The following SLC39A11 variants were observed in gnomAD, a reference collection of about 807,000 sequenced individuals.
SLC39A11 encodes the protein solute carrier family 39 member 11.
SLC39A11 carries 33 observed loss-of-function variants against 36.1 expected under a neutral mutation model. That is an observed-to-expected ratio of 0.91 (90% CI 0.69 to 1.22). SLC39A11 has a LOEUF of 1.22. Among genes scored for constraint, SLC39A11 ranks in the 50% most tolerant of loss-of-function variants. SLC39A11 has a pLI of 0.00. For missense variants in SLC39A11, 432 were observed against 430.3 expected, an observed-to-expected ratio of 1.00 and a Z score of -0.03; for synonymous variants, 166 against 170.3, an observed-to-expected ratio of 0.97 and a Z score of 0.20.
chr17:72,692,224 G>T (rs1051526132), intron 7 of SLC39A11, among the ~76,000 whole-genome samples: 2 of 150,990 alleles, frequency 1.3e-5, no homozygotes, highest in Non-Finnish European at 2.9e-5. Context: ...CATTAGCCAG[G>T]ATGGTCTCGA....
intron 7 of SLC39A11, among the ~76,000 whole-genome samples, chr17:72,678,285 TACA>T (rs957352246): frequency 6.6e-6 from 1 of 152,198 alleles, no homozygotes; most frequent in Non-Finnish European, 1.5e-5. Flanking sequence ...AATCACCATT[TACA>T]ACGTGTTTTT....
intron 5 of SLC39A11, among the ~76,000 whole-genome samples, chr17:72,893,333 T>TG (rs2081857163): frequency 6.6e-6 from 1 of 152,040 alleles, no homozygotes; most frequent in Admixed American, 6.6e-5. Context: ...TGGTGACACA[T>TG]GCCTATAATC....
intron 6 of SLC39A11, among the ~76,000 whole-genome samples, chr17:72,748,321 CA>C (rs10657048): frequency 1.0e-3 from 153 of 147,480 alleles, no homozygotes; most frequent in Non-Finnish European, 2.0e-3. Flanking sequence ...GACTCCATCT[CA>C]AAAAAAAAAA....
At chr17:72,706,322 T>C (rs934203349) in intron 7 of SLC39A11, among the ~76,000 whole-genome samples, 1 of 152,214 alleles carries the variant, frequency 6.6e-6, no homozygotes, top group Non-Finnish European at 1.5e-5. Flanking sequence ...AAATGGGTTG[T>C]ACACAAGTCA....
chr17:73,026,623 G>T (rs1159939903), intron 4 of SLC39A11, among the ~76,000 whole-genome samples: 1 of 151,920 alleles, frequency 6.6e-6, no homozygotes, highest in Non-Finnish European at 1.5e-5. Context: ...TTGACTGGTT[G>T]GTCTGGGGGA....
chr17:72,812,719 A>G (rs1253770951), intron 6 of SLC39A11, among the ~76,000 whole-genome samples: 3 of 152,224 alleles, frequency 2.0e-5, no homozygotes, highest in African/African-American at 7.2e-5. Context: ...TTAACATTCT[A>G]TGATATATGG....
At chr17:72,733,678 T>C (rs759007826) in intron 7 of SLC39A11, among the ~76,000 whole-genome samples, 3 of 152,194 alleles carry the variant, frequency 2.0e-5, no homozygotes, top group African/African-American at 4.8e-5. Context: ...GGGTTGCCTG[T>C]TCACTTTCTA....
chr17:72,742,158 G>A (rs889342959), intron 6 of SLC39A11, among the ~76,000 whole-genome samples: 15 of 151,692 alleles, frequency 9.9e-5, no homozygotes, highest in African/African-American at 2.7e-4. Flanking sequence ...AGCCAAGATC[G>A]CGCCACTGCA....
intron 4 of SLC39A11, among the ~76,000 whole-genome samples, chr17:73,025,008 G>A (rs577940356): frequency 2.0e-5 from 3 of 151,716 alleles, no homozygotes; most frequent in South Asian, 4.2e-4. Flanking sequence ...GAGCTACCGC[G>A]CCTGGCCAAA....
chr17:72,830,404 A>C lies in SLC39A11; in HGVS notation c.601+19230T>G, dbSNP rs144883267. Reference sequence around the variant, plus strand: ...ATGCAAAACTCAACACTGTTTGTCAACGTGGGTACTAACTCGGCTGTGTCT... The same window carrying C: ...ATGCAAAACTCAACACTGTTTGTCACCGTGGGTACTAACTCGGCTGTGTCT... On this transcript the variant is annotated intron_variant, in intron 6 of 9. Coordinates refer to ENST00000255559, the MANE Select transcript of SLC39A11 (RefSeq NM_139177.4). Among the ~76,000 whole-genome samples, 570 of 152,306 alleles carry C rather than the reference A, an allele frequency of 3.7e-3. 2 individuals are homozygous for C. The highest frequency in any genetic ancestry group is 0.01 in the Middle Eastern group (3 of 294).
At chr17:73,047,313 C>A (rs566804246) in intron 3 of SLC39A11, among the ~76,000 whole-genome samples, 1 of 152,136 alleles carries the variant, frequency 6.6e-6, no homozygotes, top group East Asian at 2.0e-4. Flanking sequence ...CGTGAGCCAC[C>A]GCGCCCGGCA....
intron 6 of SLC39A11, among the ~76,000 whole-genome samples, chr17:72,754,862 C>T (rs536858865): frequency 7.2e-5 from 11 of 152,298 alleles, no homozygotes; most frequent in South Asian, 4.1e-4. Flanking sequence ...CAAGCATGCC[C>T]GTGTGAGTGT....
chr17:73,088,100 T>C (rs1451498676), intron 2 of SLC39A11, among the ~76,000 whole-genome samples: 1 of 148,994 alleles, frequency 6.7e-6, no homozygotes, highest in Admixed American at 6.7e-5. Context: ...AGGTCAGGAG[T>C]TTGAGACCAG....
At chr17:72,798,422 T>C (rs1393590183) in intron 6 of SLC39A11, among the ~76,000 whole-genome samples, 1 of 149,556 alleles carries the variant, frequency 6.7e-6, no homozygotes, top group African/African-American at 2.5e-5. Flanking sequence ...TTCTTTCTTT[T>C]TTTTTTTTTG....
intron 6 of SLC39A11, among the ~76,000 whole-genome samples, chr17:72,825,457 G>C (rs1185134953): frequency 1.3e-5 from 2 of 152,226 alleles, no homozygotes; most frequent in Admixed American, 1.3e-4. Context: ...CTCAACTAGG[G>C]CAGTGCAGAG....
intron 6 of SLC39A11, among the ~76,000 whole-genome samples, chr17:72,771,246 T>A (rs1255920296): frequency 6.7e-6 from 1 of 150,250 alleles, no homozygotes; most frequent in African/African-American, 2.5e-5. Flanking sequence ...TAGCTGGGAG[T>A]GGCGGCGATG....
intron 4 of SLC39A11, among the ~76,000 whole-genome samples, chr17:72,978,311 T>C (rs2088017705): frequency 6.6e-6 from 1 of 152,158 alleles, no homozygotes; most frequent in African/African-American, 2.4e-5. Context: ...ACTGTGCTGG[T>C]GTTGGCGACA....
At chr17:72,925,956 G>A (rs1033158957) in intron 5 of SLC39A11, among the ~76,000 whole-genome samples, 1 of 152,214 alleles carries the variant, frequency 6.6e-6, no homozygotes, top group Admixed American at 6.5e-5. Flanking sequence ...CTTGCTGTGA[G>A]GCAAAGCTGA....
chr17:72,764,686 G>A (rs933144137), intron 6 of SLC39A11, among the ~76,000 whole-genome samples: 1 of 152,140 alleles, frequency 6.6e-6, no homozygotes, highest in Non-Finnish European at 1.5e-5. Context: ...CCATGTTATC[G>A]AAGTCCTGTG....
Sources: gnomAD v4.1 joint callset for allele counts (sites outside exome capture counted in the v4.1 genomes callset) on GRCh38, gnomAD v4.1.1 for gene constraint, MANE v1.5 for transcripts, NCBI Gene and HGNC (gene_info 2026-07-23, HGNC 2026-07-21) for gene names.